SPSB1: variants seen among roughly 807,000 people sequenced by gnomAD.
SPSB1 encodes the protein splA/ryanodine receptor domain and SOCS box containing 1, also known as SPRY domain-containing SOCS box protein 1.
SPSB1 carries 8 observed loss-of-function variants against 21.2 expected under a neutral mutation model. That is an observed-to-expected ratio of 0.38 (90% CI 0.22 to 0.68). The LOEUF is 0.68. SPSB1 is among the 30% of genes least tolerant of loss of function. The pLI, the probability that SPSB1 is intolerant of heterozygous loss-of-function variation, is 0.53. For missense variants in SPSB1, 242 were observed against 377.8 expected, an observed-to-expected ratio of 0.64 and a Z score of 2.98; for synonymous variants, 169 against 161.7, an observed-to-expected ratio of 1.05 and a Z score of -0.34.
intron 1 of SPSB1, among the ~76,000 whole-genome samples, chr1:9,325,711 A>G (rs1417147106): frequency 6.6e-6 from 1 of 152,156 alleles, no homozygotes; most frequent in African/African-American, 2.4e-5. Flanking sequence ...AGTGAACGTC[A>G]TTGTGAAGTT....
chr1:9,330,339 T>G (rs1030516604), intron 1 of SPSB1, among the ~76,000 whole-genome samples: 1 of 152,106 alleles, frequency 6.6e-6, no homozygotes, highest in Non-Finnish European at 1.5e-5. Flanking sequence ...TCGGGCGTGG[T>G]GGTGCATCTC....
chr1:9,303,014 C>T (rs1052646075), intron 1 of SPSB1, among the ~76,000 whole-genome samples: 9 of 152,102 alleles, frequency 5.9e-5, no homozygotes, highest in East Asian at 1.9e-4. Context: ...TTCCATTGAA[C>T]GGGGGGTAAG....
At chr1:9,353,936 C>G (rs1237461662) in intron 1 of SPSB1, among the ~76,000 whole-genome samples, 2 of 147,826 alleles carry the variant, frequency 1.4e-5, no homozygotes, top group Admixed American at 1.3e-4. Context: ...AAAAAAGGAA[C>G]CCTGTGTCTC....
At position 9,305,907 on chromosome 1, in the gene SPSB1, A is replaced by G. The variant is rs575758896; in HGVS notation, c.-150+12836A>G. 6.6e-6 allele frequency among the ~76,000 whole-genome samples: 1 copy of G among 152,256 alleles called. No homozygotes were observed. The highest frequency in any genetic ancestry group is 1.9e-4 in the East Asian group (1 of 5,176). ...GGTGGCAGGGGTGGCCAGGTTGGAA[A>G]GGCGGGAAGGGTGCCCATGTGTGGC... On this transcript the variant is annotated intron_variant, in intron 1 of 2. Coordinates refer to ENST00000328089, the MANE Select transcript of SPSB1 (RefSeq NM_025106.4). This position sits in a 1 kb window ranked among gnomAD's most constrained non-coding sequence, Gnocchi z 4.8.
At chr1:9,326,138 C>G (rs1639812148) in intron 1 of SPSB1, among the ~76,000 whole-genome samples, 1 of 152,010 alleles carries the variant, frequency 6.6e-6, no homozygotes, top group Non-Finnish European at 1.5e-5. Context: ...GTGGAATGTT[C>G]TTGGTGGGGC....
At chr1:9,307,651 G>A (rs918456412) in intron 1 of SPSB1, among the ~76,000 whole-genome samples, 11 of 152,188 alleles carry the variant, frequency 7.2e-5, no homozygotes, top group Non-Finnish European at 1.5e-4. Flanking sequence ...CTAAGAGGTT[G>A]GCTGGGAAAT....
chr1:9,325,300 C>T (rs1639800702), intron 1 of SPSB1, among the ~76,000 whole-genome samples: 1 of 151,938 alleles, frequency 6.6e-6, no homozygotes, highest in Admixed American at 6.5e-5. Flanking sequence ...ACCAGCCCTG[C>T]ACACTAGGGA....
At chr1:9,312,921 C>A (rs780445668) in intron 1 of SPSB1, among the ~76,000 whole-genome samples, 1 of 152,142 alleles carries the variant, frequency 6.6e-6, no homozygotes, top group Non-Finnish European at 1.5e-5. Context: ...GAACATGTGT[C>A]CCCTGCAGAC....
Position 9,316,556 on chromosome 1 carries a change from AG to A in SPSB1, c.-150+23493del, listed in dbSNP as rs547430971. On this transcript the variant is annotated intron_variant, in intron 1 of 2. Transcript: ENST00000328089. ...CGCCTTGAGGTGCTGGATGGCGAGG[AG>A]GGGGGGGCTGATCGAAGCGGGTTCA... Among the ~76,000 whole-genome samples, 53 of 150,812 alleles carry A rather than the reference AG, an allele frequency of 3.5e-4. 1 individual carries two copies. Among genetic ancestry groups the A allele is most frequent in the African/African-American group, 1.7e-4 (7 of 40,888 alleles).
chr1:9,328,708 TC>T (rs1639865638), intron 1 of SPSB1, among the ~76,000 whole-genome samples: 1 of 152,178 alleles, frequency 6.6e-6, no homozygotes, highest in Non-Finnish European at 1.5e-5. Context: ...AGGTGGTGCT[TC>T]TGGGCACGTG....
rs890595052 is a variant in SPSB1 at position 9,293,718 on chromosome 1, G to C, written c.-150+647G>C. Among the ~76,000 whole-genome samples the C allele has an allele frequency of 6.6e-6, 1 of 152,210 alleles. No homozygotes were observed. The highest frequency in any genetic ancestry group is 2.4e-5 in the African/African-American group (1 of 41,466). ...AGAAAAACAAGGGCGGCCTGGGCCC[G>C]CGGGAGGAACCGCGGATGGGTCACC... On this transcript the variant is annotated intron_variant, in intron 1 of 2. Coordinates refer to ENST00000328089, the MANE Select transcript of SPSB1 (RefSeq NM_025106.4). This position sits in a 1 kb window ranked among gnomAD's most constrained non-coding sequence, Gnocchi z 5.1.
intron 1 of SPSB1, among the ~76,000 whole-genome samples, chr1:9,302,282 T>C (rs9662290): frequency 0.41 from 62,934 of 152,098 alleles, 14,042 homozygotes; most frequent in African/African-American, 0.58. Flanking sequence ...CCCAGGTAGA[T>C]GGTAAAGCAT....
rs1270431118 is a variant in SPSB1 at position 9,324,207 on chromosome 1, C to T, written c.-150+31136C>T. 1.3e-5 allele frequency among the ~76,000 whole-genome samples: 2 copies of T among 152,220 alleles called. No individual in the cohort carries two copies. Among genetic ancestry groups the T allele is most frequent in the Non-Finnish European group, 2.9e-5 (2 of 68,052 alleles). ...TCATCCGGCAAGTGGACACCTCTGA[C>T]GCAGCTGGAATGGGCCTAGGTGGGA... On this transcript the variant is annotated intron_variant, in intron 1 of 2. Transcript: ENST00000328089. The surrounding 1 kb of genome is among the most constrained non-coding windows in gnomAD (Gnocchi z 4.3).
chr1:9,295,207 TGA>T (rs1224287405), intron 1 of SPSB1, among the ~76,000 whole-genome samples: 3 of 92,488 alleles, frequency 3.2e-5, no homozygotes, highest in African/African-American at 9.6e-5. Context: ...TGTGTGTGTG[TGA>T]GAGTGTGAGT....
intron 1 of SPSB1, among the ~76,000 whole-genome samples, chr1:9,332,768 A>G (rs1299328956): frequency 6.6e-6 from 1 of 152,240 alleles, no homozygotes; most frequent in East Asian, 1.9e-4. Flanking sequence ...AGAGGTAGAG[A>G]GAGGATGCTT....
rs1160455338 is a variant in SPSB1 at position 9,293,959 on chromosome 1, TA to T, written c.-150+889del. Among the ~76,000 whole-genome samples the T allele has an allele frequency of 6.6e-6, 1 of 152,006 alleles. No individual in the cohort carries two copies. The highest frequency in any genetic ancestry group is 1.5e-5 in the Non-Finnish European group (1 of 67,980). Reference sequence around the variant, plus strand: ...GAGTGTGTCTCTAAGTGCATCTGTGTATTTATGTGCCTCTGAGTGTGTGTGT... The same window carrying T: ...GAGTGTGTCTCTAAGTGCATCTGTGTTTTATGTGCCTCTGAGTGTGTGTGT... On this transcript the variant is annotated intron_variant, in intron 1 of 2. Coordinates refer to ENST00000328089, the MANE Select transcript of SPSB1 (RefSeq NM_025106.4). This position sits in a 1 kb window ranked among gnomAD's most constrained non-coding sequence, Gnocchi z 5.1.
intron 2 of SPSB1, among the ~76,000 whole-genome samples, chr1:9,357,748 C>T (rs568847950): frequency 3.3e-5 from 5 of 152,272 alleles, no homozygotes; most frequent in African/African-American, 4.8e-5. Context: ...GTAGGGGCAC[C>T]GTGCTGGTGT....
At chr1:9,339,315 G>A in intron 1 of SPSB1, 1 of 984,944 alleles carries the variant, frequency 1.0e-6, no homozygotes, top group Non-Finnish European at 1.2e-6. Flanking sequence ...GCCACATGTG[G>A]GTGGTCTCGG....
Position 9,292,924 on chromosome 1 carries a change from G to C in SPSB1, c.-297G>C, listed in dbSNP as rs1639142341. The C allele has an allele frequency of 1.0e-6, 1 of 974,030 alleles. No homozygotes were observed. The highest frequency in any genetic ancestry group is 1.2e-6 in the Non-Finnish European group (1 of 826,470). 60.3% of individuals were successfully genotyped at this position (974,030 alleles called of 1,614,324 possible). On this transcript the variant is annotated 5_prime_UTR_variant, in exon 1 of 3. Transcript: ENST00000328089. ...GAAGTCGCGCTCGGGCAGCCTGCGC[G>C]CTCGCAGCAGGAACCAGGCTCCAGG...
Sources: gnomAD v4.1 joint callset for allele counts (sites outside exome capture counted in the v4.1 genomes callset) on GRCh38, gnomAD v4.1.1 for gene constraint, Gnocchi (gnomAD v3.1) non-coding constraint, MANE v1.5 for transcripts, NCBI Gene and HGNC (gene_info 2026-07-23, HGNC 2026-07-21) for gene names.